ANKHD1: variants seen among roughly 807,000 people sequenced by gnomAD.
ANKHD1 encodes ankyrin repeat and KH domain-containing protein 1.
In ANKHD1, 31 loss-of-function variants were observed where a neutral mutation model predicts 230.5. The observed-to-expected ratio is 0.13, with a 90% CI of 0.10 to 0.18. The LOEUF (loss-of-function observed/expected upper bound fraction) is 0.18. Ranked by LOEUF, ANKHD1 falls within the 10% of genes least tolerant of loss-of-function variation. ANKHD1 has a pLI of 1.00. For missense variants in ANKHD1, 2,256 were observed against 3,071.3 expected, an observed-to-expected ratio of 0.73 and a Z score of 6.27; for synonymous variants, 1,074 against 1,117.6, an observed-to-expected ratio of 0.96 and a Z score of 0.78.
At chr5:140,428,605 C>T (rs910352951) in intron 1 of ANKHD1, among the ~76,000 whole-genome samples, 3 of 150,702 alleles carry the variant, frequency 2.0e-5, no homozygotes, top group East Asian at 2.0e-4. Context: ...AGCTTTGGCT[C>T]GGCATCAGAG....
At chr5:140,513,591 C>A in intron 24 of ANKHD1, 112 bp downstream of exon 24, 2 of 1,034,302 alleles carry the variant, frequency 1.9e-6, no homozygotes, top group South Asian at 1.8e-5. Context: ...GGTGGATTAC[C>A]TGAGGTCAGG....
intron 1 of ANKHD1, among the ~76,000 whole-genome samples, chr5:140,415,611 G>A (rs968456051): frequency 1.3e-5 from 2 of 150,770 alleles, no homozygotes; most frequent in African/African-American, 4.9e-5. Flanking sequence ...GCTAATTTTT[G>A]TATTTTTAGT....
intron 7 of ANKHD1, among the ~76,000 whole-genome samples, chr5:140,451,714 C>T (rs996538150): frequency 2.6e-5 from 4 of 151,992 alleles, no homozygotes; most frequent in Non-Finnish European, 5.9e-5. Flanking sequence ...TCACCCTTTC[C>T]CCAGGGTGGT....
At chr5:140,410,546 AT>A (rs931905893) in intron 1 of ANKHD1, among the ~76,000 whole-genome samples, 25 of 148,656 alleles carry the variant, frequency 1.7e-4, no homozygotes, top group South Asian at 2.1e-4. Context: ...AGTTTACCAA[AT>A]TTTTTTTTTT....
intron 4 of ANKHD1, among the ~76,000 whole-genome samples, 184 bp from the exon 5 acceptor site, chr5:140,440,811 A>G (rs1301062857): frequency 6.6e-6 from 1 of 152,212 alleles, no homozygotes; most frequent in Non-Finnish European, 1.5e-5. Flanking sequence ...ATGTAATGAT[A>G]TTGTAAAATA....
At chr5:140,427,559 C>G (rs573854060) in intron 1 of ANKHD1, among the ~76,000 whole-genome samples, 2 of 144,604 alleles carry the variant, frequency 1.4e-5, no homozygotes, top group East Asian at 4.3e-4. Flanking sequence ...CTGACCCCCC[C>G]ACCTCCCTTG....
At chr5:140,448,259 A>G (rs1024189779) in intron 6 of ANKHD1, among the ~76,000 whole-genome samples, 2 of 152,206 alleles carry the variant, frequency 1.3e-5, no homozygotes, top group African/African-American at 4.8e-5. Context: ...TGCCAAATAC[A>G]TCAAATAGAT....
At position 140,528,403 on chromosome 5, in the gene ANKHD1, A is replaced by G; in HGVS notation, c.5457A>G (p.Ala1819=). 6.2e-7 allele frequency: 1 copy of G among 1,614,202 alleles called. No individual in the cohort carries two copies. Among genetic ancestry groups the G allele is most frequent in the African/African-American group, 1.3e-5 (1 of 75,054 alleles). ...LGAPTLVTSQ[A]TTLSTFQPAN... is the part of the protein sequence containing the mutation. Reference sequence around the variant, plus strand: ...CTCCAACTCTTGTAACTTCACAGGCAACAACGTTATCTACGTTCCAGCCCG... The same window carrying G: ...CTCCAACTCTTGTAACTTCACAGGCGACAACGTTATCTACGTTCCAGCCCG... The change falls in exon 29 of 34, where the codon GCA becomes GCG. Residue 1819 remains alanine (A), a synonymous_variant. Transcript: ENST00000360839.
intron 14 of ANKHD1, among the ~76,000 whole-genome samples, chr5:140,491,131 T>TAC (rs1460044579): frequency 1.4e-5 from 1 of 72,634 alleles, no homozygotes; most frequent in East Asian, 7.0e-4. Context: ...TATATATATA[T>TAC]ATATACACAT....
chr5:140,415,240 G>A (rs965073057), intron 1 of ANKHD1, among the ~76,000 whole-genome samples: 1 of 151,234 alleles, frequency 6.6e-6, no homozygotes, highest in African/African-American at 2.4e-5. Context: ...AAAATTAGCC[G>A]GGCATGGTGG....
intron 10 of ANKHD1, among the ~76,000 whole-genome samples, chr5:140,480,714 C>A (rs1371163805): frequency 6.6e-6 from 1 of 152,000 alleles, no homozygotes; most frequent in African/African-American, 2.4e-5. Context: ...ATAATAAAAA[C>A]TTCAAACCTC....
intron 1 of ANKHD1, among the ~76,000 whole-genome samples, chr5:140,421,107 C>T (rs903228768): frequency 6.6e-6 from 1 of 152,128 alleles, no homozygotes; most frequent in African/African-American, 2.4e-5. Context: ...TGTGCATCCC[C>T]TCTCTCACAA....
intron 10 of ANKHD1, among the ~76,000 whole-genome samples, chr5:140,474,482 T>G (rs1255634144): frequency 1.3e-5 from 2 of 152,154 alleles, no homozygotes; most frequent in African/African-American, 2.4e-5. Context: ...GGAAATTAAC[T>G]TATTTTAAAT....
chr5:140,465,339 C>A (rs1776010668), intron 10 of ANKHD1, among the ~76,000 whole-genome samples: 1 of 152,074 alleles, frequency 6.6e-6, no homozygotes, highest in Non-Finnish European at 1.5e-5. Context: ...AAATTCTATT[C>A]TTTTTGTGTT....
At chr5:140,443,674 C>T (rs1774045064) in intron 5 of ANKHD1, among the ~76,000 whole-genome samples, 1 of 147,600 alleles carries the variant, frequency 6.8e-6, no homozygotes, top group East Asian at 2.0e-4. Flanking sequence ...AGCGAGACTC[C>T]GTCTATAAAA....
At chr5:140,405,925 G>T (rs1770399617) in intron 1 of ANKHD1, among the ~76,000 whole-genome samples, 1 of 151,596 alleles carries the variant, frequency 6.6e-6, no homozygotes, top group Non-Finnish European at 1.5e-5. Context: ...GAGCCACCAT[G>T]CCTGGCCTTC....
intron 1 of ANKHD1, among the ~76,000 whole-genome samples, chr5:140,402,574 G>A (rs1303285903): frequency 6.6e-6 from 1 of 152,188 alleles, no homozygotes; most frequent in Admixed American, 6.5e-5. Flanking sequence ...TTGGAGTTGG[G>A]GGTGGGGGGC....
chr5:140,412,565 A>G (rs970309912), intron 1 of ANKHD1, among the ~76,000 whole-genome samples: 6 of 152,226 alleles, frequency 3.9e-5, no homozygotes, highest in African/African-American at 1.4e-4. Context: ...TTTGTAATGA[A>G]CTTAATTGGA....
In ANKHD1 at chr5:140,526,045, G is replaced by T. The variant is rs1469011651; in HGVS notation, c.4542G>T (p.Thr1514=). ...IEPPSATTTT[T]IGISATSATF... ...CTCCTAGTGCAACCACCACCACTACGATTGGAATCTCTGCAACATCTGCAA... is the reference window on the plus strand; with the variant it reads ...CTCCTAGTGCAACCACCACCACTACTATTGGAATCTCTGCAACATCTGCAA... The change falls in exon 26 of 34, where the codon ACG becomes ACT. Residue 1514 remains threonine (T), a synonymous_variant. Coordinates refer to ENST00000360839, the MANE Select transcript of ANKHD1 (RefSeq NM_017747.3). 2 of 1,606,558 alleles carry T rather than the reference G, an allele frequency of 1.2e-6. No homozygotes were observed. Among genetic ancestry groups the T allele is most frequent in the East Asian group, 2.2e-5 (1 of 44,850 alleles).
Sources: gnomAD v4.1 joint callset for allele counts (sites outside exome capture counted in the v4.1 genomes callset) on GRCh38, gnomAD v4.1.1 for gene constraint, MANE v1.5 for transcripts, NCBI Gene and HGNC (gene_info 2026-07-23, HGNC 2026-07-21) for gene names.